RORA: variants seen among roughly 807,000 people sequenced by gnomAD.
RORA encodes RAR related orphan receptor A, also known as nuclear receptor ROR-alpha.
Under a neutral mutation model 69.5 loss-of-function variants are expected in RORA, and 7 were observed. The observed-to-expected ratio is 0.10, with a 90% CI of 0.06 to 0.19. The LOEUF (loss-of-function observed/expected upper bound fraction) is 0.19. Ranked by LOEUF, RORA falls within the 10% of genes least tolerant of loss-of-function variation. RORA has a pLI of 1.00. For synonymous variants in RORA, 261 were observed against 240.8 expected, an observed-to-expected ratio of 1.08 and a Z score of -0.78; for missense variants, 457 against 663.0, an observed-to-expected ratio of 0.69 and a Z score of 3.41.
chr15:60,687,787 T>TC (rs2070769693), intron 1 of RORA, among the ~76,000 whole-genome samples: 1 of 152,182 alleles, frequency 6.6e-6, no homozygotes, highest in African/African-American at 2.4e-5. Context: ...TACCTTGCAT[T>TC]CACAGATTTT....
intron 1 of RORA, among the ~76,000 whole-genome samples, chr15:61,077,357 C>A (rs538152339): frequency 2.0e-5 from 3 of 152,142 alleles, no homozygotes; most frequent in Non-Finnish European, 4.4e-5. Context: ...TTTAGGGGAA[C>A]TGAAGAATTG....
At chr15:60,652,655 T>G (rs988999423) in intron 2 of RORA, among the ~76,000 whole-genome samples, 5 of 152,348 alleles carry the variant, frequency 3.3e-5, no homozygotes, top group African/African-American at 1.2e-4. Context: ...CATTTTCATT[T>G]TCCTTCTAGA....
chr15:60,885,273 G>A (rs1267336807), intron 1 of RORA, among the ~76,000 whole-genome samples: 1 of 152,214 alleles, frequency 6.6e-6, no homozygotes, highest in African/African-American at 2.4e-5. Context: ...AGAAGTCCAA[G>A]TACTCTGTAG....
At chr15:61,181,290 C>T (rs1457666259) in intron 1 of RORA, 1 of 152,020 alleles carries the variant, frequency 6.6e-6, no homozygotes, top group African/African-American at 2.4e-5. Flanking sequence ...GAAGGGTAGC[C>T]ATTCTACCAT....
chr15:60,517,615 C>G (rs1050861476), intron 3 of RORA, among the ~76,000 whole-genome samples: 1 of 152,078 alleles, frequency 6.6e-6, no homozygotes, highest in Non-Finnish European at 1.5e-5. Flanking sequence ...AAAGAGATAC[C>G]AAGAGGTCAG....
At chr15:61,014,265 G>A (rs939614404) in intron 1 of RORA, among the ~76,000 whole-genome samples, 2 of 152,326 alleles carry the variant, frequency 1.3e-5, no homozygotes, top group East Asian at 1.9e-4. Flanking sequence ...GAGAGTTACT[G>A]TTGAGATTAT....
At chr15:60,879,035 T>C (rs2073650388) in intron 1 of RORA, among the ~76,000 whole-genome samples, 1 of 152,180 alleles carries the variant, frequency 6.6e-6, no homozygotes, top group African/African-American at 2.4e-5. Flanking sequence ...CTTCTTGGAG[T>C]CATGATTTCT....
intron 1 of RORA, among the ~76,000 whole-genome samples, chr15:60,816,050 CTATA>C (rs1370125671): frequency 7.7e-6 from 1 of 129,076 alleles, no homozygotes; most frequent in African/African-American, 3.0e-5. Context: ...ACTATAAAAA[CTATA>C]TGTATTTATA....
At position 60,592,916 on chromosome 15, in the gene RORA, C is replaced by T. The variant is rs528870386; in HGVS notation, c.197-61065G>A. On this transcript the variant is annotated intron_variant, in intron 2 of 10. Coordinates refer to ENST00000335670, the MANE Select transcript of RORA (RefSeq NM_134261.3). ...GAGGCTCGCAACCCGACGCCACTCT[C>T]CCGCTGGCTTGCCGGAGCACTCGGG... The T allele has an allele frequency of 1.8e-3, 815 of 455,822 alleles. 2 individuals carry two copies. The highest frequency in any genetic ancestry group is 3.1e-3 in the Non-Finnish European group (702 of 226,922). The allele number at this position is 455,822 out of a possible 1,614,324, so 28.2% of individuals were successfully genotyped here.
At chr15:60,825,287 C>T (rs1033122251) in intron 1 of RORA, among the ~76,000 whole-genome samples, 11 of 152,098 alleles carry the variant, frequency 7.2e-5, no homozygotes, top group Admixed American at 6.5e-4. Context: ...TTCACACCAC[C>T]CAAGCACAGA....
Position 60,590,040 on chromosome 15 carries a change from C to T in RORA, c.197-58189G>A, listed in dbSNP as rs368195471. On this transcript the variant is annotated intron_variant, in intron 2 of 10. Transcript: ENST00000335670. ...ATGGAAACATTTACAGCATTCCTCA[C>T]TTCCCCACAAACTATTTTCTCTTTC... 1.2e-4 allele frequency among the ~76,000 whole-genome samples: 19 copies of T among 152,328 alleles called. No homozygotes were observed. The South Asian group carries it at 2.3e-3, about 18-fold the overall frequency.
At chr15:60,636,718 T>C (rs1332039492) in intron 2 of RORA, among the ~76,000 whole-genome samples, 1 of 152,184 alleles carries the variant, frequency 6.6e-6, no homozygotes, top group Non-Finnish European at 1.5e-5. Flanking sequence ...CTACAAAATA[T>C]CACCGCATCA....
intron 1 of RORA, among the ~76,000 whole-genome samples, chr15:61,102,049 C>T (rs1566989768): frequency 6.6e-6 from 1 of 152,068 alleles, no homozygotes; most frequent in Admixed American, 6.6e-5. Flanking sequence ...TAACAAACCC[C>T]AGGTCATCCC....
chr15:60,777,141 C>CA (rs1306148425), intron 1 of RORA, among the ~76,000 whole-genome samples: 3 of 152,272 alleles, frequency 2.0e-5, no homozygotes, highest in Admixed American at 1.3e-4. Flanking sequence ...TTAAGACGAG[C>CA]AAAAACAGAG....
intron 1 of RORA, among the ~76,000 whole-genome samples, chr15:60,977,126 A>AAAC (rs1467300014): frequency 6.6e-6 from 1 of 151,750 alleles, no homozygotes; most frequent in Non-Finnish European, 1.5e-5. Context: ...AAAAAAAAAA[A>AAAC]AAAAACCTAT....
intron 1 of RORA, among the ~76,000 whole-genome samples, chr15:60,707,141 T>C (rs943745829): frequency 2.0e-5 from 3 of 152,050 alleles, no homozygotes. Flanking sequence ...TCTGTAACCG[T>C]TGGTTTGCCA....
chr15:60,517,839 G>A (rs192856606), intron 3 of RORA, among the ~76,000 whole-genome samples: 3 of 152,264 alleles, frequency 2.0e-5, no homozygotes, highest in East Asian at 3.9e-4. Context: ...TGTGATCACC[G>A]AATATGAGGA....
At chr15:61,077,480 A>T (rs953252463) in intron 1 of RORA, among the ~76,000 whole-genome samples, 1 of 152,142 alleles carries the variant, frequency 6.6e-6, no homozygotes, top group Non-Finnish European at 1.5e-5. Context: ...AGATAGGGTT[A>T]TGAACGTGAA....
At chr15:60,880,182 G>A (rs2073663239) in intron 1 of RORA, among the ~76,000 whole-genome samples, 1 of 152,122 alleles carries the variant, frequency 6.6e-6, no homozygotes, top group Non-Finnish European at 1.5e-5. Context: ...ATTAACTACT[G>A]GAAATCCTGT....
Sources: gnomAD v4.1 joint callset for allele counts (sites outside exome capture counted in the v4.1 genomes callset) on GRCh38, gnomAD v4.1.1 for gene constraint, MANE v1.5 for transcripts, NCBI Gene and HGNC (gene_info 2026-07-23, HGNC 2026-07-21) for gene names.